ISM1: variants seen among roughly 807,000 people sequenced by gnomAD.
ISM1 encodes the protein isthmin 1, also known as isthmin-1.
Under a neutral mutation model 46.3 loss-of-function variants are expected in ISM1, and 25 were observed. That is an observed-to-expected ratio of 0.54 (90% CI 0.39 to 0.75). The LOEUF is 0.75. ISM1 is among the 30% of genes least tolerant of loss of function. The pLI is 0.00. For missense variants in ISM1, 536 were observed against 625.4 expected (o/e 0.86, Z 1.52); for synonymous variants, 255 against 256.7 (o/e 0.99, Z 0.06).
chr20:13,227,449 C>G (rs56658401), intron 1 of ISM1, among the ~76,000 whole-genome samples: 1 of 151,188 alleles, frequency 6.6e-6, no homozygotes, highest in African/African-American at 2.4e-5. Context: ...ATGATCTGCC[C>G]GCCTCGACCT....
intron 1 of ISM1, among the ~76,000 whole-genome samples, chr20:13,244,964 T>A (rs2039776475): frequency 6.6e-6 from 1 of 151,896 alleles, no homozygotes; most frequent in South Asian, 2.1e-4. Context: ...AAGAAAGGAG[T>A]GGTGGAGAGG....
intron 2 of ISM1, among the ~76,000 whole-genome samples, chr20:13,274,075 GTGTA>G (rs2040146817): frequency 6.6e-6 from 1 of 151,662 alleles, no homozygotes; most frequent in East Asian, 2.0e-4. Flanking sequence ...GTGTGTGTGT[GTGTA>G]TGTGTGCATG....
intron 1 of ISM1, chr20:13,238,204 C>T (rs2039674981): frequency 6.6e-6 from 1 of 152,160 alleles, no homozygotes; most frequent in Admixed American, 6.5e-5. Flanking sequence ...CAAACATTCC[C>T]AGAAGTCCAG....
chr20:13,309,651 G>A, the ISM1 span, among the ~76,000 whole-genome samples: 1 of 152,108 alleles, frequency 6.6e-6, no homozygotes, highest in Non-Finnish European at 1.5e-5. Flanking sequence ...GACAGGAAGT[G>A]AATTTATCTC....
chr20:13,285,894 C>G (rs1175086916), intron 3 of ISM1, among the ~76,000 whole-genome samples: 2 of 152,178 alleles, frequency 1.3e-5, no homozygotes, highest in Non-Finnish European at 2.9e-5. Flanking sequence ...CAAATTTGCT[C>G]TCTACATTGC....
intron 1 of ISM1, among the ~76,000 whole-genome samples, chr20:13,246,602 G>A (rs929454346): frequency 2.8e-5 from 4 of 141,452 alleles, no homozygotes; most frequent in South Asian, 2.1e-4. Flanking sequence ...GAGCAGATAC[G>A]TGTTTTTTCA....
At chr20:13,280,678 A>C (rs933609861) in intron 3 of ISM1, among the ~76,000 whole-genome samples, 5 of 152,150 alleles carry the variant, frequency 3.3e-5, no homozygotes, top group Non-Finnish European at 7.4e-5. Context: ...GAGAAGGAAC[A>C]CACACTCGTA....
intron 1 of ISM1, 127 bp from the exon 2 acceptor site, chr20:13,270,377 G>A: frequency 9.5e-7 from 1 of 1,050,442 alleles, no homozygotes; most frequent in Non-Finnish European, 1.3e-6. Context: ...AACAAGTTTG[G>A]AATGCCCTAC....
chr20:13,234,674 G>A (rs1358123481), intron 1 of ISM1, among the ~76,000 whole-genome samples: 1 of 152,148 alleles, frequency 6.6e-6, no homozygotes, highest in Non-Finnish European at 1.5e-5. Context: ...GTATCTCATT[G>A]TGGTTTTAAT....
At chr20:13,249,779 CGTTTTGTTTT>C (rs33933656) in intron 1 of ISM1, among the ~76,000 whole-genome samples, 24,677 of 141,504 alleles carry the variant, frequency 0.17, 2,395 homozygotes, top group East Asian at 0.28. Context: ...TTTTTTGTTG[CGTTTTGTTTT>C]GTTTTGTTTT....
chr20:13,245,507 T>C (rs1353127213), intron 1 of ISM1: 1 of 152,224 alleles, frequency 6.6e-6, no homozygotes, highest in Non-Finnish European at 1.5e-5. Context: ...AGGGAGGGGA[T>C]TGCACAAGGC....
the ISM1 span, among the ~76,000 whole-genome samples, chr20:13,317,700 T>C: frequency 6.6e-6 from 1 of 152,156 alleles, no homozygotes; most frequent in African/African-American, 2.4e-5. Context: ...GAAAGGAGTT[T>C]CTTTAATAAG....
At chr20:13,297,570 C>A (rs375033251) in intron 5 of ISM1, among the ~76,000 whole-genome samples, 1 of 152,170 alleles carries the variant, frequency 6.6e-6, no homozygotes, top group Admixed American at 6.5e-5. Flanking sequence ...ACTGAGGGAC[C>A]AAGAGATCAC....
the ISM1 span, among the ~76,000 whole-genome samples, chr20:13,317,922 TG>T: frequency 0.99 from 150,948 of 152,064 alleles, 74,926 homozygotes; most frequent in East Asian, 1. Context: ...GCACTATCCG[TG>T]GAAAAAAAAG....
the ISM1 span, among the ~76,000 whole-genome samples, chr20:13,323,292 G>A: frequency 6.6e-6 from 1 of 152,166 alleles, no homozygotes; most frequent in Admixed American, 6.5e-5. Context: ...CTAGGGACTG[G>A]TCCAAAGGAA....
chr20:13,266,411 T>G (rs2123236682), intron 1 of ISM1, among the ~76,000 whole-genome samples: 1 of 152,276 alleles, frequency 6.6e-6, no homozygotes, highest in South Asian at 2.1e-4. Flanking sequence ...ATGGAAGAGT[T>G]CATGTGCATA....
the ISM1 span, among the ~76,000 whole-genome samples, chr20:13,323,613 A>G: frequency 6.6e-6 from 1 of 152,240 alleles, no homozygotes; most frequent in Non-Finnish European, 1.5e-5. Flanking sequence ...TAATCTTTAT[A>G]ACTACCATAC....
At chr20:13,254,775 G>T (rs2123204240) in intron 1 of ISM1, among the ~76,000 whole-genome samples, 1 of 152,314 alleles carries the variant, frequency 6.6e-6, no homozygotes, top group Non-Finnish European at 1.5e-5. Flanking sequence ...TTCCACCTCT[G>T]CCAGAGCTTC....
At chr20:13,282,067 A>C (rs1404686653) in intron 3 of ISM1, among the ~76,000 whole-genome samples, 2 of 152,136 alleles carry the variant, frequency 1.3e-5, no homozygotes, top group Non-Finnish European at 2.9e-5. Context: ...CAAGCCCTCC[A>C]GGCACTCTGC....
Sources: allele counts gnomAD v4.1 joint callset (sites outside exome capture counted in the v4.1 genomes callset), GRCh38; gene constraint gnomAD v4.1.1; transcripts MANE v1.5; gene names NCBI Gene and HGNC (gene_info 2026-07-23, HGNC 2026-07-21).